JAKMIP2: variants seen among roughly 807,000 people sequenced by gnomAD.
JAKMIP2 encodes the protein janus kinase and microtubule interacting protein 2, also known as janus kinase and microtubule-interacting protein 2.
In JAKMIP2, 25 loss-of-function variants were observed where a neutral mutation model predicts 115.0. The ratio of observed to expected loss-of-function variants is 0.22; its 90% CI spans 0.16 to 0.30. The LOEUF is 0.30. Ranked by LOEUF, JAKMIP2 falls within the 10% of genes least tolerant of loss-of-function variation. The probability of loss-of-function intolerance (pLI) is 1.00; values close to 1 mark genes in which losing one functional copy is unlikely to be tolerated. For synonymous variants in JAKMIP2, 334 were observed against 343.6 expected (o/e 0.97, Z 0.31); for missense variants, 642 against 957.6 (o/e 0.67, Z 4.35).
At chr5:147,719,534 G>T (rs1027707921) in intron 1 of JAKMIP2, among the ~76,000 whole-genome samples, 19 of 152,162 alleles carry the variant, frequency 1.2e-4, no homozygotes, top group African/African-American at 4.3e-4. Flanking sequence ...TGGTGCTCCT[G>T]TGTTGGGTGC....
Position 147,686,432 on chromosome 5 carries a change from A to G in JAKMIP2, c.-148-14478T>C, listed in dbSNP as rs183038376. ...ACTCACGGGTACAAATCACTCAAGGAAATAAATTGGATACCCTATAATGTT... is the reference window on the plus strand; with the variant it reads ...ACTCACGGGTACAAATCACTCAAGGGAATAAATTGGATACCCTATAATGTT... On this transcript the variant is annotated intron_variant, in intron 1 of 21. Coordinates refer to ENST00000616793, the MANE Select transcript of JAKMIP2 (RefSeq NM_001270941.2). Among the ~76,000 whole-genome samples the G allele has an allele frequency of 2.8e-3, 433 of 152,272 alleles. 5 individuals are homozygous for G. Among genetic ancestry groups the G allele is most frequent in the Non-Finnish European group, 2.0e-3 (134 of 68,034 alleles).
chr5:147,671,848 C>T lies in JAKMIP2; in HGVS notation c.-42G>A, dbSNP rs1465834806. On this transcript the variant is annotated 5_prime_UTR_variant, in exon 2 of 22. It removes the in-frame stop codon of an upstream open reading frame in the 5' UTR. Transcript: ENST00000616793. Reference sequence around the variant, plus strand: ...GAGTCTGTTGGTTTTTAATTTCTTTCAAGCAGGTGCTGCCATGTTACTGTT... The same window carrying T: ...GAGTCTGTTGGTTTTTAATTTCTTTTAAGCAGGTGCTGCCATGTTACTGTT... The T allele has an allele frequency of 1.3e-6, 2 of 1,498,224 alleles. No individual in the cohort carries two copies. The highest frequency in any genetic ancestry group is 4.1e-5 in the Admixed American group (2 of 48,374). 92.8% of individuals were successfully genotyped at this position (1,498,224 alleles called of 1,614,324 possible).
intron 1 of JAKMIP2, among the ~76,000 whole-genome samples, chr5:147,735,533 T>C (rs1166074198): frequency 6.6e-6 from 1 of 152,114 alleles, no homozygotes; most frequent in Non-Finnish European, 1.5e-5. Context: ...TTATTCACTA[T>C]CATGAGAACA....
At chr5:147,646,018 C>G (rs893419442) in intron 5 of JAKMIP2, among the ~76,000 whole-genome samples, 1 of 151,982 alleles carries the variant, frequency 6.6e-6, no homozygotes, top group Non-Finnish European at 1.5e-5. Flanking sequence ...ACTAATGATT[C>G]TGAATGTGAG....
At position 147,591,400 on chromosome 5, in the gene JAKMIP2, T is replaced by C. The variant is rs1755089386; in HGVS notation, c.*307A>G. ...GCTTGATCTGCAGAAACTAGTTCCATTGCTGAACTTTTTCTTTACACAATA... is the reference window on the plus strand; with the variant it reads ...GCTTGATCTGCAGAAACTAGTTCCACTGCTGAACTTTTTCTTTACACAATA... On this transcript the variant is annotated 3_prime_UTR_variant, in exon 22 of 22. Coordinates refer to ENST00000616793, the MANE Select transcript of JAKMIP2 (RefSeq NM_001270941.2). 2.4e-6 allele frequency: 1 copy of C among 411,910 alleles called. No homozygotes were observed. The highest frequency in any genetic ancestry group is 4.9e-5 in the East Asian group (1 of 20,304). The allele number at this position is 411,910 out of a possible 1,614,324, so 25.5% of individuals were successfully genotyped here. A position where few individuals can be genotyped will look rare whatever the true frequency, so the allele number is the denominator to read the frequency against.
chr5:147,602,781 C>T (rs1191157666), intron 20 of JAKMIP2, among the ~76,000 whole-genome samples: 3 of 152,168 alleles, frequency 2.0e-5, no homozygotes, highest in Admixed American at 2.0e-4. Context: ...TACCGTTGGA[C>T]ACATCTGTGA....
intron 21 of JAKMIP2, chr5:147,594,419 C>T (rs1285350092): frequency 1.5e-5 from 7 of 455,346 alleles, no homozygotes; most frequent in East Asian, 7.0e-5. Flanking sequence ...ACTGCAGCAT[C>T]GACCTCTGGG....
At chr5:147,623,311 G>A (rs944337874) in intron 17 of JAKMIP2, among the ~76,000 whole-genome samples, 15 of 148,436 alleles carry the variant, frequency 1.0e-4, no homozygotes, top group Admixed American at 8.1e-4. Flanking sequence ...CTCCATTTCT[G>A]TAATTTTTCC....
intron 19 of JAKMIP2, among the ~76,000 whole-genome samples, chr5:147,613,655 C>A (rs1453085429): frequency 1.3e-5 from 2 of 152,104 alleles, no homozygotes; most frequent in Admixed American, 1.3e-4. Context: ...GTATGTGCAT[C>A]TAGCATCTAC....
chr5:147,689,091 G>C (rs979267355), intron 1 of JAKMIP2, among the ~76,000 whole-genome samples: 4 of 150,492 alleles, frequency 2.7e-5, no homozygotes, highest in Non-Finnish European at 2.9e-5. Flanking sequence ...GCTGATGCCT[G>C]GGGGGGAAAG....
At chr5:147,625,301 T>C (rs1008021698) in intron 16 of JAKMIP2, among the ~76,000 whole-genome samples, 1 of 152,124 alleles carries the variant, frequency 6.6e-6, no homozygotes, top group Non-Finnish European at 1.5e-5. Context: ...CTTTCTAGGT[T>C]ACCTGTGATA....
chr5:147,741,270 A>G (rs1185370806), intron 1 of JAKMIP2, among the ~76,000 whole-genome samples: 1 of 152,214 alleles, frequency 6.6e-6, no homozygotes, highest in African/African-American at 2.4e-5. Flanking sequence ...AACTCCAATG[A>G]TAACTGCATT....
chr5:147,651,993 T>C (rs577120735), intron 3 of JAKMIP2, among the ~76,000 whole-genome samples: 40 of 152,324 alleles, frequency 2.6e-4, no homozygotes, highest in Middle Eastern at 6.8e-3. Flanking sequence ...CTAGTTGTTT[T>C]TTATGTACTC....
intron 2 of JAKMIP2, among the ~76,000 whole-genome samples, chr5:147,670,971 T>C (rs1273011056): frequency 6.6e-6 from 1 of 152,188 alleles, no homozygotes; most frequent in Non-Finnish European, 1.5e-5. Flanking sequence ...GAATAGGCTA[T>C]GGGGAGTACC....
intron 21 of JAKMIP2, among the ~76,000 whole-genome samples, chr5:147,601,240 A>C (rs6859847): frequency 6.6e-6 from 1 of 152,158 alleles, no homozygotes; most frequent in Non-Finnish European, 1.5e-5. Flanking sequence ...GACTGGATCT[A>C]TTTCTCAATT....
chr5:147,672,059 G>A, intron 1 of JAKMIP2, 105 bp from the exon 2 acceptor site: 2 of 723,902 alleles, frequency 2.8e-6, no homozygotes, highest in Non-Finnish European at 3.6e-6. Context: ...TCCTCCTGAG[G>A]CTCTCCTATC....
At chr5:147,749,966 T>C (rs1198613258) in intron 1 of JAKMIP2, among the ~76,000 whole-genome samples, 1 of 152,222 alleles carries the variant, frequency 6.6e-6, no homozygotes, top group East Asian at 1.9e-4. Context: ...ATAAGAATAA[T>C]ATTTCCCTTT....
At position 147,591,426 on chromosome 5, in the gene JAKMIP2, T is replaced by A; in HGVS notation, c.*281A>T. The A allele has an allele frequency of 2.1e-6, 1 of 478,174 alleles. No individual in the cohort carries two copies. The highest frequency in any genetic ancestry group is 3.7e-6 in the Non-Finnish European group (1 of 268,870). The allele number at this position is 478,174 out of a possible 1,614,324, so 29.6% of individuals were successfully genotyped here. A position where few individuals can be genotyped will look rare whatever the true frequency, so the allele number is the denominator to read the frequency against. ...TGCTGAACTTTTTCTTTACACAATATATGTTTATAGTTCTTCTCTTCTGAT... is the reference window on the plus strand; with the variant it reads ...TGCTGAACTTTTTCTTTACACAATAAATGTTTATAGTTCTTCTCTTCTGAT... On this transcript the variant is annotated 3_prime_UTR_variant, in exon 22 of 22. Coordinates refer to ENST00000616793, the MANE Select transcript of JAKMIP2 (RefSeq NM_001270941.2).
intron 1 of JAKMIP2, among the ~76,000 whole-genome samples, chr5:147,734,176 A>G (rs1753833373): frequency 1.3e-5 from 2 of 152,204 alleles, no homozygotes; most frequent in East Asian, 3.9e-4. Context: ...ACTAGTCATT[A>G]GAGAAATGCA....
Sources: gnomAD v4.1 joint callset for allele counts (sites outside exome capture counted in the v4.1 genomes callset) on GRCh38, gnomAD v4.1.1 for gene constraint, MANE v1.5 for transcripts, NCBI Gene and HGNC (gene_info 2026-07-23, HGNC 2026-07-21) for gene names.